Variants in CCDC7 observed in about 807,000 individuals in gnomAD.
CCDC7 encodes coiled-coil domain-containing protein 7.
A neutral mutation model predicts 196.9 loss-of-function variants in CCDC7; 183 were observed. The observed-to-expected ratio is 0.93, with a 90% CI of 0.82 to 1.05. The LOEUF is 1.05. Among genes scored for constraint, CCDC7 ranks in the 50% least tolerant of loss-of-function variants. The pLI, the probability that CCDC7 is intolerant of heterozygous loss-of-function variation, is 0.00. For missense variants in CCDC7, 1,540 were observed against 1,482.2 expected (o/e 1.04, Z -0.64); for synonymous variants, 525 against 484.6 (o/e 1.08, Z -1.10).
At chr10:32,511,933 A>C in intron 9 of CCDC7, 1 of 578,106 alleles carries the variant, frequency 1.7e-6, no homozygotes, top group South Asian at 2.2e-5. Context: ...AGAAACTAGG[A>C]TTTTATTAAA....
intron 11 of CCDC7, among the ~76,000 whole-genome samples, chr10:32,528,832 C>T (rs577006153): frequency 4.0e-5 from 6 of 148,636 alleles, no homozygotes; most frequent in East Asian, 2.0e-4. Flanking sequence ...ATCCACTCAT[C>T]GATTGATGGG....
chr10:32,502,167 G>A (rs1227486277), intron 9 of CCDC7, among the ~76,000 whole-genome samples: 2 of 152,208 alleles, frequency 1.3e-5, no homozygotes, highest in Non-Finnish European at 2.9e-5. Flanking sequence ...GCTGGACTCT[G>A]TGGGGGTGGG....
At position 32,597,980 on chromosome 10, in the gene CCDC7, C is replaced by T. The variant is rs539760917; in HGVS notation, c.1801+13676C>T. On this transcript the variant is annotated intron_variant, in intron 18 of 41. Coordinates refer to ENST00000639629, the Ensembl canonical transcript of CCDC7. ...GACCCACTTGAGGAGGCAGTCTGTC[C>T]GTTCTCAGATCTCAAACTCCATGCT... is the stretch of plus-strand genomic sequence containing the variant. 9.3e-4 allele frequency among the ~76,000 whole-genome samples: 142 copies of T among 152,296 alleles called. 1 individual carries two copies. The East Asian group carries it at 0.021, about 23-fold the overall frequency.
intron 39 of CCDC7, among the ~76,000 whole-genome samples, chr10:32,850,241 C>G (rs1027849322): frequency 6.6e-6 from 1 of 152,106 alleles, no homozygotes; most frequent in Non-Finnish European, 1.5e-5. Flanking sequence ...CTTTGCAAAG[C>G]AAAAATGTGG....
intron 21 of CCDC7, among the ~76,000 whole-genome samples, chr10:32,676,558 A>G (rs1276575439): frequency 6.6e-6 from 1 of 152,222 alleles, no homozygotes; most frequent in Admixed American, 6.5e-5. Context: ...ATGTGGGCGA[A>G]GGACATGAGC....
At chr10:32,507,280 C>T (rs749596687) in intron 9 of CCDC7, among the ~76,000 whole-genome samples, 10 of 151,034 alleles carry the variant, frequency 6.6e-5, no homozygotes, top group African/African-American at 1.2e-4. Context: ...CATGAGCCAC[C>T]GCGCCTGGCC....
rs757248361 is a variant in CCDC7 at position 32,565,634 on chromosome 10, T to A, written c.1197+14T>A. On this transcript the variant is annotated intron_variant, in intron 14 of 41. Coordinates refer to ENST00000639629, the Ensembl canonical transcript of CCDC7. ...CAGGCTTTACAGGTAAAGGATGTCA[T>A]GTTTCTTTAACATTGTTAACAAGTA... 6.2e-7 allele frequency: 1 copy of A among 1,603,338 alleles called. No homozygotes were observed. Among genetic ancestry groups the A allele is most frequent in the South Asian group, 1.1e-5 (1 of 89,042 alleles).
At chr10:32,624,603 G>C (rs945524816) in intron 18 of CCDC7, among the ~76,000 whole-genome samples, 1 of 152,114 alleles carries the variant, frequency 6.6e-6, no homozygotes, top group African/African-American at 2.4e-5. Context: ...CAGTGGACAA[G>C]TTTCTTATCC....
At chr10:32,473,387 A>G (rs1023963116) in intron 7 of CCDC7, among the ~76,000 whole-genome samples, 2 of 152,242 alleles carry the variant, frequency 1.3e-5, no homozygotes, top group African/African-American at 4.8e-5. Flanking sequence ...AAGAAGCAAT[A>G]TATAGGGATG....
In CCDC7 at chr10:32,604,639, C is replaced by T. The variant is rs192783254; in HGVS notation, c.1801+20335C>T. ...AGCTTTCTTTACAGAGGTCTTTCACCTTCATCATTACATTTATTTTTAGGT... is the reference window on the plus strand; with the variant it reads ...AGCTTTCTTTACAGAGGTCTTTCACTTTCATCATTACATTTATTTTTAGGT... On this transcript the variant is annotated intron_variant, in intron 18 of 41. Coordinates refer to ENST00000639629, the Ensembl canonical transcript of CCDC7. Among the ~76,000 whole-genome samples the T allele has an allele frequency of 2.6e-5, 4 of 151,964 alleles. No individual in the cohort carries two copies. The East Asian group carries it at 5.8e-4, about 22-fold the overall frequency.
chr10:32,754,047 C>G (rs1024228039), intron 28 of CCDC7, among the ~76,000 whole-genome samples: 2 of 151,810 alleles, frequency 1.3e-5, no homozygotes, highest in Non-Finnish European at 2.9e-5. Context: ...GATAAAATTC[C>G]TATTGCTGCT....
intron 28 of CCDC7, among the ~76,000 whole-genome samples, chr10:32,777,083 T>C (rs1038756730): frequency 1.3e-5 from 2 of 152,156 alleles, no homozygotes; most frequent in Non-Finnish European, 2.9e-5. Flanking sequence ...TCTCTATGTC[T>C]GTGTTTACCC....
chr10:32,573,043 A>T (rs1184055019), intron 16 of CCDC7, among the ~76,000 whole-genome samples: 2 of 151,446 alleles, frequency 1.3e-5, no homozygotes, highest in Admixed American at 1.3e-4. Context: ...ATGCCCGGCT[A>T]ATTTTTATAT....
chr10:32,609,006 T>C (rs1006212080), intron 18 of CCDC7, among the ~76,000 whole-genome samples: 2 of 152,248 alleles, frequency 1.3e-5, no homozygotes, highest in African/African-American at 4.8e-5. Context: ...TTTAAAAATT[T>C]GATGAGGCTG....
chr10:32,577,033 T>C (rs2058275580), intron 16 of CCDC7, among the ~76,000 whole-genome samples: 1 of 152,136 alleles, frequency 6.6e-6, no homozygotes, highest in Admixed American at 6.5e-5. Flanking sequence ...TGTAACTATT[T>C]CCTTGGGCAA....
intron 18 of CCDC7, among the ~76,000 whole-genome samples, chr10:32,605,767 G>T (rs1590464372): frequency 6.6e-6 from 1 of 152,184 alleles, no homozygotes; most frequent in South Asian, 2.1e-4. Flanking sequence ...GCAAAGAAAT[G>T]ACTTAAAATT....
At chr10:32,705,466 C>T (rs886346975) in intron 24 of CCDC7, among the ~76,000 whole-genome samples, 1 of 152,060 alleles carries the variant, frequency 6.6e-6, no homozygotes, top group Non-Finnish European at 1.5e-5. Context: ...TCACACATAA[C>T]AATATTAAAC....
intron 27 of CCDC7, 53 bp downstream of exon 28, chr10:32,729,050 G>T (rs2083528120): frequency 1.6e-6 from 2 of 1,242,802 alleles, no homozygotes; most frequent in Non-Finnish European, 2.3e-6. Context: ...GAACTCATCA[G>T]ATCTTTTCCT....
In CCDC7 at chr10:32,751,522, G is replaced by T. The variant is rs116987175; in HGVS notation, c.2905+22065G>T. Among the ~76,000 whole-genome samples the T allele has an allele frequency of 3.0e-3, 458 of 152,202 alleles. 2 individuals are homozygous for T. Among genetic ancestry groups the T allele is most frequent in the Non-Finnish European group, 5.2e-3 (355 of 67,982 alleles). The stretch of plus-strand genomic sequence containing the variant: ...TTAATGAAAGTCATTGGGAAATCAA[G>T]TAAAAGTTCTTTAAGTGGGTTATTA... On this transcript the variant is annotated intron_variant, in intron 28 of 41. Transcript: ENST00000639629.
Sources: allele counts gnomAD v4.1 joint callset (sites outside exome capture counted in the v4.1 genomes callset), GRCh38; gene constraint gnomAD v4.1.1; transcripts MANE v1.5; gene names NCBI Gene and HGNC (gene_info 2026-07-23, HGNC 2026-07-21).